NPAS3: variants seen among roughly 807,000 people sequenced by gnomAD.
The protein encoded by NPAS3 is neuronal PAS domain-containing protein 3.
In NPAS3, 14 loss-of-function variants were observed where a neutral mutation model predicts 73.1. The ratio of observed to expected loss-of-function variants is 0.19; its 90% CI spans 0.13 to 0.30. The LOEUF is 0.30. NPAS3 is among the 10% of genes least tolerant of loss of function. NPAS3 has a pLI of 1.00. For missense variants in NPAS3, 1,096 were observed against 1,250.0 expected, an observed-to-expected ratio of 0.88 and a Z score of 1.86; for synonymous variants, 620 against 541.5, an observed-to-expected ratio of 1.14 and a Z score of -2.01.
At chr14:33,308,601 C>A (rs1273561263) in intron 3 of NPAS3, among the ~76,000 whole-genome samples, 1 of 142,776 alleles carries the variant, frequency 7.0e-6, no homozygotes, top group Non-Finnish European at 1.5e-5. Context: ...GATCTATCTA[C>A]ACACTTGTGC....
chr14:33,101,429 TA>T (rs1196805640), intron 2 of NPAS3, among the ~76,000 whole-genome samples: 1 of 152,170 alleles, frequency 6.6e-6, no homozygotes, highest in Non-Finnish European at 1.5e-5. Context: ...TAACTTGTAG[TA>T]AACCCTGACT....
rs150503035 is a variant in NPAS3 at position 33,334,895 on chromosome 14, C to T, written c.386-32291C>T. Among the ~76,000 whole-genome samples, 5 of 152,146 alleles carry T rather than the reference C, an allele frequency of 3.3e-5. No individual in the cohort carries two copies. The East Asian group carries it at 9.7e-4, about 29-fold the overall frequency. ...CTTTGCATCCTCATAGCTTAGCTGC[C>T]GCATGTGAGTGAGAATATGTGATGT... is the stretch of plus-strand genomic sequence containing the variant. On this transcript the variant is annotated intron_variant, in intron 3 of 11. Transcript: ENST00000356141.
intron 4 of NPAS3, among the ~76,000 whole-genome samples, chr14:33,370,240 A>G (rs1475986480): frequency 6.6e-6 from 1 of 152,196 alleles, no homozygotes; most frequent in East Asian, 1.9e-4. Flanking sequence ...ACACAGGTCA[A>G]GTACTATGGG....
chr14:33,029,236 T>G (rs1333754569), intron 1 of NPAS3, among the ~76,000 whole-genome samples: 1 of 152,178 alleles, frequency 6.6e-6, no homozygotes, highest in African/African-American at 2.4e-5. Context: ...GGACGCTTTC[T>G]CCTCTATGCA....
chr14:33,800,321 G>T lies in NPAS3; in HGVS notation c.2014G>T (p.Glu672Ter). 1.2e-6 allele frequency: 2 copies of T among 1,613,346 alleles called. No homozygotes were observed. Among genetic ancestry groups the T allele is most frequent in the Non-Finnish European group, 1.7e-6 (2 of 1,179,606 alleles). ...CATCTGGAACTACCCGCCCAACCGG[G>T]AGATCTCCAGGAACGAGTCCCCCTA... Residue 672 changes from glutamate (E) to a stop codon, truncating the protein, a stop_gained, in exon 12 of 12, where the codon GAG (glutamate) becomes TAG (stop). Coordinates refer to ENST00000356141, the Ensembl canonical transcript of NPAS3. LOFTEE classifies it high-confidence loss of function. The surrounding 1 kb of genome is among the most constrained non-coding windows in gnomAD (Gnocchi z 6.5).
At chr14:33,604,164 T>C (rs1400014677) in intron 5 of NPAS3, among the ~76,000 whole-genome samples, 5 of 152,198 alleles carry the variant, frequency 3.3e-5, no homozygotes, top group Non-Finnish European at 5.9e-5. Context: ...CCTGATCGTA[T>C]AAATAATTAT....
intron 2 of NPAS3, among the ~76,000 whole-genome samples, chr14:33,062,147 C>T (rs76117032): frequency 1.3e-5 from 2 of 152,024 alleles, no homozygotes; most frequent in African/African-American, 2.4e-5. Context: ...ACTGCATCTT[C>T]GAGAAGAATT....
At chr14:33,711,817 G>A (rs572947154) in intron 6 of NPAS3, among the ~76,000 whole-genome samples, 2 of 152,196 alleles carry the variant, frequency 1.3e-5, no homozygotes, top group East Asian at 1.9e-4. Context: ...GGGCAGTAAC[G>A]TTCCCATAGT....
intron 4 of NPAS3, among the ~76,000 whole-genome samples, chr14:33,388,861 G>T (rs1035435404): frequency 6.6e-5 from 10 of 152,112 alleles, no homozygotes; most frequent in Non-Finnish European, 1.5e-5. Context: ...GGAGTGACAC[G>T]TGAATTAAGT....
intron 9 of NPAS3, among the ~76,000 whole-genome samples, chr14:33,783,910 C>T (rs1369166168): frequency 6.6e-6 from 1 of 152,154 alleles, no homozygotes; most frequent in African/African-American, 2.4e-5. Context: ...ACGACGTAAA[C>T]AGTAAATACA....
intron 2 of NPAS3, among the ~76,000 whole-genome samples, chr14:33,213,366 C>G (rs896847951): frequency 6.6e-6 from 1 of 152,146 alleles, no homozygotes; most frequent in African/African-American, 2.4e-5. Flanking sequence ...AAAATATGTC[C>G]AGAGACATAA....
At chr14:32,941,030 ACTT>A (rs1172798435) in intron 1 of NPAS3, among the ~76,000 whole-genome samples, 1 of 152,212 alleles carries the variant, frequency 6.6e-6, no homozygotes, top group Non-Finnish European at 1.5e-5. Flanking sequence ...ATGAGTATTT[ACTT>A]CTTAAGAAGT....
chr14:33,216,218 C>A (rs929600218), intron 3 of NPAS3, among the ~76,000 whole-genome samples: 6 of 152,074 alleles, frequency 3.9e-5, no homozygotes, highest in Non-Finnish European at 7.4e-5. Flanking sequence ...ATGTTCAAAT[C>A]GTGTATCTAG....
chr14:33,364,352 G>A (rs945469507), intron 3 of NPAS3, among the ~76,000 whole-genome samples: 1 of 152,186 alleles, frequency 6.6e-6, no homozygotes, highest in African/African-American at 2.4e-5. Context: ...TAGGATAAGT[G>A]CAAGATAAGA....
intron 4 of NPAS3, among the ~76,000 whole-genome samples, chr14:33,513,224 C>T (rs190814315): frequency 1.3e-3 from 199 of 151,930 alleles, no homozygotes; most frequent in South Asian, 2.3e-3. Context: ...TTTTTCATTC[C>T]AATACTCATG....
intron 4 of NPAS3, among the ~76,000 whole-genome samples, chr14:33,378,184 A>G (rs1263436313): frequency 6.6e-6 from 1 of 152,214 alleles, no homozygotes; most frequent in African/African-American, 2.4e-5. Flanking sequence ...ATACTACACA[A>G]AGGTGCCTAG....
intron 3 of NPAS3, among the ~76,000 whole-genome samples, chr14:33,323,673 C>T (rs1342135526): frequency 6.6e-6 from 1 of 152,188 alleles, no homozygotes. Context: ...TGTAACACTC[C>T]TCATGATGAT....
rs546226672 is a variant in NPAS3 at position 33,477,267 on chromosome 14, A to G, written c.469-82854A>G. 2.6e-5 allele frequency among the ~76,000 whole-genome samples: 4 copies of G among 152,298 alleles called. No individual in the cohort carries two copies. In the South Asian group the frequency reaches 8.3e-4, roughly 32 times the overall value. ...AGAACCCTTTTAGTTTCTTCTTTCC[A>G]AACTGTGGACACATTAGATTGCTGT... On this transcript the variant is annotated intron_variant, in intron 4 of 11. Coordinates refer to ENST00000356141, the Ensembl canonical transcript of NPAS3.
rs2048059321 is a variant in NPAS3, at chr14:33,237,076, G to A, written c.385+21650G>A. The stretch of plus-strand genomic sequence containing the variant: ...TATATTATGATTAAGTCTTTCATAG[G>A]CTATGGTTGCCTTTTTGAAGAAACG... On this transcript the variant is annotated intron_variant, in intron 3 of 11. Transcript: ENST00000356141. 2.0e-5 allele frequency among the ~76,000 whole-genome samples: 3 copies of A among 152,032 alleles called. No individual in the cohort carries two copies. In the South Asian group the frequency reaches 6.2e-4, roughly 32 times the overall value.
Sources: gnomAD v4.1 joint callset for allele counts (sites outside exome capture counted in the v4.1 genomes callset) on GRCh38, gnomAD v4.1.1 for gene constraint, Gnocchi (gnomAD v3.1) non-coding constraint, MANE v1.5 for transcripts, NCBI Gene and HGNC (gene_info 2026-07-23, HGNC 2026-07-21) for gene names.